Variants in SCFD1 observed in about 807,000 individuals in gnomAD.
SCFD1 encodes sec1 family domain containing 1.
In SCFD1, 37 loss-of-function variants were observed where a neutral mutation model predicts 103.2. That is an observed-to-expected ratio of 0.36 (90% CI 0.28 to 0.47). The LOEUF (loss-of-function observed/expected upper bound fraction) is 0.47. Among genes scored for constraint, SCFD1 ranks in the 20% least tolerant of loss-of-function variants. The probability of loss-of-function intolerance (pLI) is 1.00; values close to 1 mark genes in which losing one functional copy is unlikely to be tolerated. For missense variants in SCFD1, 639 were observed against 761.2 expected, an observed-to-expected ratio of 0.84 and a Z score of 1.89; for synonymous variants, 264 against 245.0, an observed-to-expected ratio of 1.08 and a Z score of -0.73.
chr14:30,719,481 G>GA, intron 21 of SCFD1, 104 bp downstream of exon 21: 1 of 751,354 alleles, frequency 1.3e-6, no homozygotes, highest in Non-Finnish European at 2.2e-6. Flanking sequence ...AAACTATATG[G>GA]AAAACTCGTA....
chr14:30,673,773 T>A (rs913073940), intron 12 of SCFD1, 151 bp from the exon 13 acceptor site: 18 of 615,924 alleles, frequency 2.9e-5, no homozygotes, highest in Non-Finnish European at 5.3e-5. Flanking sequence ...TGCTTGCACC[T>A]CAGAGGAGGA....
Position 30,622,335 on chromosome 14 carries a change from C to A in SCFD1, c.-4C>A, listed in dbSNP as rs528272715. 6.3e-7 allele frequency: 1 copy of A among 1,580,868 alleles called. No individual in the cohort carries two copies. On this transcript the variant is annotated 5_prime_UTR_variant, in exon 1 of 25. Coordinates refer to ENST00000458591, the MANE Select transcript of SCFD1 (RefSeq NM_016106.4). ...CAGCCGGGCAGTGGCTCGTGGGAGC[C>A]AAGATGGCGGCGGCGGCGGCAGCGA...
At chr14:30,647,412 G>C (rs1035210385) in intron 7 of SCFD1, among the ~76,000 whole-genome samples, 5 of 151,292 alleles carry the variant, frequency 3.3e-5, no homozygotes, top group African/African-American at 7.3e-5. Context: ...TGATTCTTCA[G>C]CTCAGTAATT....
intron 20 of SCFD1, among the ~76,000 whole-genome samples, chr14:30,718,303 T>C (rs1892423826): frequency 6.6e-6 from 1 of 152,230 alleles, no homozygotes; most frequent in Non-Finnish European, 1.5e-5. Context: ...CTTCCACATT[T>C]CTCTGTCATA....
chr14:30,665,214 A>C (rs549503537), intron 10 of SCFD1, among the ~76,000 whole-genome samples: 1 of 152,334 alleles, frequency 6.6e-6, no homozygotes, highest in African/African-American at 2.4e-5. Flanking sequence ...CTGTACAAGC[A>C]AGAAGAGAGT....
intron 14 of SCFD1, among the ~76,000 whole-genome samples, chr14:30,692,293 G>A (rs1007228005): frequency 1.3e-5 from 2 of 152,134 alleles, no homozygotes; most frequent in Admixed American, 6.5e-5. Flanking sequence ...AATTAAACAT[G>A]CTCTAAGGAG....
chr14:30,659,176 T>G (rs972495227), intron 10 of SCFD1, among the ~76,000 whole-genome samples: 6 of 150,134 alleles, frequency 4.0e-5, no homozygotes, highest in Non-Finnish European at 7.4e-5. Context: ...TGCTATAGTT[T>G]TTTTTTTTTT....
At chr14:30,652,293 C>G (rs1385784062) in intron 9 of SCFD1, 1 of 152,110 alleles carries the variant, frequency 6.6e-6, no homozygotes, top group Non-Finnish European at 1.5e-5. Context: ...ACATGATAAC[C>G]AAATGACTGT....
intron 14 of SCFD1, among the ~76,000 whole-genome samples, chr14:30,688,877 G>T (rs1890044681): frequency 1.1e-5 from 1 of 93,984 alleles, no homozygotes; most frequent in East Asian, 4.3e-4. Context: ...TGGTGATTTT[G>T]CTCATTAGTT....
intron 1 of SCFD1, among the ~76,000 whole-genome samples, chr14:30,626,906 TAGA>T (rs1295011858): frequency 6.6e-6 from 1 of 152,240 alleles, no homozygotes; most frequent in Non-Finnish European, 1.5e-5. Flanking sequence ...AAGCATTTAA[TAGA>T]AGTTTTTCTT....
At chr14:30,734,700 CA>C (rs968597946) in intron 23 of SCFD1, 89 bp from the exon 24 acceptor site, 2 of 1,019,874 alleles carry the variant, frequency 2.0e-6, no homozygotes, top group Non-Finnish European at 1.5e-6. Flanking sequence ...TTAAGAATAA[CA>C]AAAAAACTAG....
intron 20 of SCFD1, among the ~76,000 whole-genome samples, chr14:30,717,894 A>AG (rs200866935): frequency 0.055 from 7,303 of 131,740 alleles, 561 homozygotes; most frequent in African/African-American, 0.19. Context: ...AAAAAAAAGA[A>AG]AAAAAAAAAA....
intron 6 of SCFD1, among the ~76,000 whole-genome samples, chr14:30,640,250 A>G (rs766098482): frequency 6.6e-6 from 1 of 152,186 alleles, no homozygotes. Context: ...CTGGAACCAG[A>G]TGATAAGCTC....
intron 14 of SCFD1, among the ~76,000 whole-genome samples, chr14:30,691,723 A>G (rs967535479): frequency 1.3e-5 from 2 of 152,180 alleles, no homozygotes; most frequent in Non-Finnish European, 2.9e-5. Flanking sequence ...GTCACCTCAA[A>G]AAGAAACCCC....
At position 30,643,521 on chromosome 14, in the gene SCFD1, G is replaced by A. The variant is rs149139945; in HGVS notation, c.613+116G>A. The A allele has an allele frequency of 3.2e-4, 233 of 722,528 alleles. 2 individuals are homozygous for A. The East Asian group carries it at 5.3e-3, about 16-fold the overall frequency. The allele number at this position is 722,528 out of a possible 1,614,324, so 44.8% of individuals were successfully genotyped here. On this transcript the variant is annotated intron_variant, in intron 7 of 24. Coordinates refer to ENST00000458591, the MANE Select transcript of SCFD1 (RefSeq NM_016106.4). ...CTTACCTGGATCTCTAGAGGTTCTC[G>A]AGTGGAGTAAAATATATATTCAATA...
chr14:30,675,964 G>T (rs1275009539), intron 14 of SCFD1, among the ~76,000 whole-genome samples: 1 of 152,060 alleles, frequency 6.6e-6, no homozygotes, highest in African/African-American at 2.4e-5. Context: ...TCACATCTTG[G>T]TACTTGATAT....
chr14:30,644,825 G>A (rs538212943), intron 7 of SCFD1, among the ~76,000 whole-genome samples: 2 of 152,068 alleles, frequency 1.3e-5, no homozygotes, highest in Non-Finnish European at 2.9e-5. Context: ...CTGTGCAGAA[G>A]CTCTTTAGTT....
intron 10 of SCFD1, among the ~76,000 whole-genome samples, chr14:30,668,934 C>T (rs894944745): frequency 1.2e-4 from 18 of 152,086 alleles, no homozygotes; most frequent in Non-Finnish European, 2.5e-4. Context: ...GAAATAGGAA[C>T]GCTTTTACAC....
rs1002706221 is a variant in SCFD1, at chr14:30,628,073, A to G, written c.62-136A>G. ...CTTACAAGATCTGACCCCTAGTTCT[A>G]CACATATAGTCATTTGGTTAATCAG... On this transcript the variant is annotated intron_variant, in intron 1 of 24. Transcript: ENST00000458591. 6 of 590,934 alleles carry G rather than the reference A, an allele frequency of 1.0e-5. No individual in the cohort carries two copies. In the East Asian group the frequency reaches 1.8e-4, roughly 17 times the overall value. 36.6% of individuals were successfully genotyped at this position (590,934 alleles called of 1,614,324 possible).
Sources: allele counts gnomAD v4.1 joint callset (sites outside exome capture counted in the v4.1 genomes callset), GRCh38; gene constraint gnomAD v4.1.1; transcripts MANE v1.5; gene names NCBI Gene and HGNC (gene_info 2026-07-23, HGNC 2026-07-21).